The following IRAK2 variants were observed in gnomAD, a reference collection of about 807,000 sequenced individuals.
IRAK2 encodes interleukin 1 receptor associated kinase 2.
Under a neutral mutation model 72.0 loss-of-function variants are expected in IRAK2, and 57 were observed. The observed-to-expected ratio is 0.79, with a 90% CI of 0.64 to 0.99. The LOEUF is 0.99. Ranked by LOEUF, IRAK2 falls within the 50% of genes least tolerant of loss-of-function variation. IRAK2 has a pLI of 0.00. For missense variants in IRAK2, 790 were observed against 794.4 expected, an observed-to-expected ratio of 0.99 and a Z score of 0.07; for synonymous variants, 293 against 312.7, an observed-to-expected ratio of 0.94 and a Z score of 0.67.
At chr3:10,228,891 C>T (rs1451968832) in intron 10 of IRAK2, among the ~76,000 whole-genome samples, 2 of 151,896 alleles carry the variant, frequency 1.3e-5, no homozygotes, top group African/African-American at 2.4e-5. Flanking sequence ...GAGAAACATG[C>T]ACACATGTGA....
intron 8 of IRAK2, 78 bp downstream of exon 8, chr3:10,219,867 G>A (rs1697662019): frequency 1.2e-5 from 11 of 895,492 alleles, no homozygotes; most frequent in South Asian, 2.7e-5. Context: ...CTCACCTCCC[G>A]CTCCGCCACT....
intron 1 of IRAK2, among the ~76,000 whole-genome samples, chr3:10,166,519 A>G (rs923316650): frequency 3.9e-5 from 6 of 152,222 alleles, no homozygotes; most frequent in South Asian, 2.1e-4. Flanking sequence ...CAGCTTCTGA[A>G]TCTGTATGTA....
chr3:10,226,286 G>T (rs1697774079), intron 9 of IRAK2, 85 bp from the exon 10 acceptor site: 37 of 1,145,552 alleles, frequency 3.2e-5, no homozygotes, highest in Non-Finnish European at 4.6e-5. Flanking sequence ...CTGGAGCTCA[G>T]AACTGAGAAG....
chr3:10,232,565 C>T (rs1313650211), intron 10 of IRAK2, among the ~76,000 whole-genome samples: 2 of 152,148 alleles, frequency 1.3e-5, no homozygotes, highest in African/African-American at 4.8e-5. Flanking sequence ...CGCGTGTTCT[C>T]AGTCCCCCAA....
rs537483948 is a variant in IRAK2, at chr3:10,168,454, G to C, written c.94+3406G>C. On this transcript the variant is annotated intron_variant, in intron 1 of 12. Transcript: ENST00000256458. The stretch of plus-strand genomic sequence containing the variant: ...TCAAACTCCTAACCTCAGGTGATCT[G>C]CCCGCCTCGGCCTCCCAAAGTGCTG... Among the ~76,000 whole-genome samples, 7 of 151,928 alleles carry C rather than the reference G, an allele frequency of 4.6e-5. No homozygotes were observed. In the East Asian group the frequency reaches 1.4e-3, roughly 30 times the overall value.
chr3:10,229,966 G>A (rs556877980), intron 10 of IRAK2, among the ~76,000 whole-genome samples: 1 of 152,066 alleles, frequency 6.6e-6, no homozygotes, highest in African/African-American at 2.4e-5. Context: ...CCTGTGTGGT[G>A]GCGAGTGCCT....
intron 3 of IRAK2, among the ~76,000 whole-genome samples, chr3:10,203,293 A>T (rs1438919381): frequency 6.6e-6 from 1 of 152,098 alleles, no homozygotes. Context: ...CACTGCACCC[A>T]GCCCCTATTT....
At chr3:10,222,881 T>A (rs199861502) in intron 9 of IRAK2, 50 bp downstream of exon 9, 1 of 1,498,296 alleles carries the variant, frequency 6.7e-7, no homozygotes, top group African/African-American at 1.4e-5. Flanking sequence ...GATTTGTCCT[T>A]CCCACGGCTC....
intron 4 of IRAK2, among the ~76,000 whole-genome samples, chr3:10,212,622 A>G (rs1575976948): frequency 6.6e-6 from 1 of 152,182 alleles, no homozygotes; most frequent in African/African-American, 2.4e-5. Flanking sequence ...TTAGTCTTCA[A>G]AATTACTCTT....
chr3:10,186,974 T>A (rs1697085920), intron 2 of IRAK2, among the ~76,000 whole-genome samples: 1 of 150,836 alleles, frequency 6.6e-6, no homozygotes, highest in African/African-American at 2.5e-5. Flanking sequence ...TAACTTTTTT[T>A]TTTTTTTTCA....
Position 10,243,378 on chromosome 3 carries a change from G to A in IRAK2, c.*1150G>A, listed in dbSNP as rs1453572607. On this transcript the variant is annotated 3_prime_UTR_variant, in exon 13 of 13. Coordinates refer to ENST00000256458, the MANE Select transcript of IRAK2 (RefSeq NM_001570.4). The stretch of plus-strand genomic sequence containing the variant: ...ATGACTGGATTATGAAGAATCAGGA[G>A]AATGCATTTCATGTCTGATTCTGCT... The A allele has an allele frequency of 6.6e-6, 1 of 152,640 alleles. No individual in the cohort carries two copies. The highest frequency in any genetic ancestry group is 1.9e-4 in the East Asian group (1 of 5,202). 9.5% of individuals were successfully genotyped at this position (152,640 alleles called of 1,614,324 possible). A position where few individuals can be genotyped will look rare whatever the true frequency, so the allele number is the denominator to read the frequency against.
chr3:10,175,552 G>A (rs1465441513), intron 1 of IRAK2, among the ~76,000 whole-genome samples: 3 of 152,078 alleles, frequency 2.0e-5, no homozygotes, highest in African/African-American at 7.2e-5. Flanking sequence ...CGAGGAGTGC[G>A]AGAGCAGCCT....
chr3:10,228,936 A>ATT (rs35822142), intron 10 of IRAK2, among the ~76,000 whole-genome samples: 11 of 144,502 alleles, frequency 7.6e-5, no homozygotes, highest in Admixed American at 2.1e-4. Flanking sequence ...TTGTAGTGGC[A>ATT]TTTTTTTTTT....
Position 10,239,479 on chromosome 3 carries a change from C to T in IRAK2, c.1765+440C>T, listed in dbSNP as rs572168301. On this transcript the variant is annotated intron_variant, in intron 12 of 12. Transcript: ENST00000256458. ...ATCCCAGCACTTTGGGAGGCCGAGG[C>T]GGGTGGATCACCTGAGGTCACCCTG... Among the ~76,000 whole-genome samples the T allele has an allele frequency of 4.5e-3, 679 of 152,160 alleles. 2 individuals are homozygous for T. Among genetic ancestry groups the T allele is most frequent in the African/African-American group, 0.015 (641 of 41,524 alleles).
intron 1 of IRAK2, among the ~76,000 whole-genome samples, chr3:10,165,877 C>G (rs1281780968): frequency 6.6e-6 from 1 of 152,052 alleles, no homozygotes; most frequent in Non-Finnish European, 1.5e-5. Context: ...ACTACAGGCG[C>G]CCGCCACCAC....
chr3:10,176,186 C>T (rs1250122011), intron 1 of IRAK2, among the ~76,000 whole-genome samples: 2 of 149,742 alleles, frequency 1.3e-5, no homozygotes, highest in East Asian at 2.0e-4. Context: ...TTGTCCCATA[C>T]TTCAGAATTG....
chr3:10,183,269 C>T (rs906707816), intron 2 of IRAK2, among the ~76,000 whole-genome samples: 2 of 152,182 alleles, frequency 1.3e-5, no homozygotes, highest in Non-Finnish European at 2.9e-5. Context: ...CACTGGGGGC[C>T]ATATCCCTGC....
At chr3:10,241,986 G>A (rs73028497) in intron 12 of IRAK2, 130 bp from the exon 13 acceptor site, 2,488 of 363,008 alleles carry the variant, frequency 6.9e-3, no homozygotes, top group South Asian at 0.012. Flanking sequence ...AAAAAAAAAA[G>A]AAAAAAAAAA....
intron 2 of IRAK2, among the ~76,000 whole-genome samples, chr3:10,185,190 C>T (rs914626196): frequency 6.6e-6 from 1 of 151,612 alleles, no homozygotes; most frequent in South Asian, 2.1e-4. Flanking sequence ...TCTGCTGATT[C>T]GGAAACTCTA....
Sources: gnomAD v4.1 joint callset for allele counts (sites outside exome capture counted in the v4.1 genomes callset) on GRCh38, gnomAD v4.1.1 for gene constraint, MANE v1.5 for transcripts, NCBI Gene and HGNC (gene_info 2026-07-23, HGNC 2026-07-21) for gene names.